The following SDR16C5 variants were observed in gnomAD, a reference collection of about 807,000 sequenced individuals.
The protein encoded by SDR16C5 is short chain dehydrogenase/reductase family 16C member 5, also known as epidermal retinol dehydrogenase 2.
Under a neutral mutation model 27.7 loss-of-function variants are expected in SDR16C5, and 20 were observed. That is an observed-to-expected ratio of 0.72 (90% CI 0.51 to 1.05). The LOEUF is 1.05. Among genes scored for constraint, SDR16C5 ranks in the 50% least tolerant of loss-of-function variants. The pLI, the probability that SDR16C5 is intolerant of heterozygous loss-of-function variation, is 0.00. For synonymous variants in SDR16C5, 139 were observed against 132.3 expected (o/e 1.05, Z -0.35); for missense variants, 374 against 366.3 (o/e 1.02, Z -0.17).
chr8:56,305,544 G>T (rs1814859179), intron 6 of SDR16C5, 53 bp downstream of exon 6: 14 of 1,479,290 alleles, frequency 9.5e-6, no homozygotes, highest in Non-Finnish European at 9.0e-7. Context: ...GTGGGATTTG[G>T]AGTAAACTGT....
At chr8:56,302,761 G>T (rs1193810755) in intron 6 of SDR16C5, among the ~76,000 whole-genome samples, 1 of 149,952 alleles carries the variant, frequency 6.7e-6, no homozygotes, top group African/African-American at 2.5e-5. Context: ...TGGGAGGATT[G>T]CTTGAAGCCA....
chr8:56,315,970 A>C, intron 2 of SDR16C5, 45 bp downstream of exon 2: 1 of 1,317,206 alleles, frequency 7.6e-7, no homozygotes, highest in Non-Finnish European at 1.1e-6. Flanking sequence ...AGTGAAAAAG[A>C]GTGTGATGTG....
intron 3 of SDR16C5, among the ~76,000 whole-genome samples, chr8:56,310,888 A>C (rs554902449): frequency 1.3e-5 from 2 of 152,208 alleles, no homozygotes; most frequent in Non-Finnish European, 2.9e-5. Flanking sequence ...GGTAGCCACT[A>C]AATTCTGAAT....
chr8:56,311,354 T>TG lies in SDR16C5; in HGVS notation c.465+802dup, dbSNP rs1302784972. On this transcript the variant is annotated intron_variant, in intron 3 of 6. Transcript: ENST00000303749. ...CGCTTGAATCCGGGAGGTTGGAGGT[T>TG]GCAGTGAGCTGAGATCACACCACTG... Among the ~76,000 whole-genome samples the TG allele has an allele frequency of 2.0e-5, 3 of 152,120 alleles. No individual in the cohort carries two copies. In the East Asian group the frequency reaches 5.8e-4, roughly 29 times the overall value.
At chr8:56,310,869 T>A (rs924945986) in intron 3 of SDR16C5, among the ~76,000 whole-genome samples, 1 of 152,160 alleles carries the variant, frequency 6.6e-6, no homozygotes, top group Admixed American at 6.5e-5. Flanking sequence ...GTAGTTCTTG[T>A]AGGAACATGG....
intron 6 of SDR16C5, among the ~76,000 whole-genome samples, chr8:56,301,967 TCA>T (rs1208528983): frequency 1.3e-5 from 2 of 152,210 alleles, no homozygotes; most frequent in Non-Finnish European, 2.9e-5. Flanking sequence ...CTCATAGACC[TCA>T]GTTTCCTCAA....
In SDR16C5 at chr8:56,316,354, G is replaced by A; in HGVS notation, c.-7C>T. 2 of 1,600,144 alleles carry A rather than the reference G, an allele frequency of 1.2e-6. No homozygotes were observed. The highest frequency in any genetic ancestry group is 2.2e-5 in the South Asian group (2 of 90,674). ...ATTGCAGGTTGAAAGACATGTTCTG[G>A]CTGACACCTGTGAAGAAAGACAGAT... is the stretch of plus-strand genomic sequence containing the variant. On this transcript the variant is annotated 5_prime_UTR_variant, in exon 2 of 7. Coordinates refer to ENST00000303749, the MANE Select transcript of SDR16C5 (RefSeq NM_138969.4).
chr8:56,305,485 A>T, intron 6 of SDR16C5, 112 bp downstream of exon 6: 1 of 977,308 alleles, frequency 1.0e-6, no homozygotes, highest in Non-Finnish European at 1.5e-6. Context: ...TAATAGAATT[A>T]AATTAATGAA....
intron 6 of SDR16C5, chr8:56,303,907 G>A: frequency 1.4e-6 from 1 of 699,764 alleles, no homozygotes; most frequent in Admixed American, 2.0e-5. Flanking sequence ...GACAAACATT[G>A]TCTCTACAAT....
chr8:56,311,144 G>T (rs780604641), intron 3 of SDR16C5, among the ~76,000 whole-genome samples: 31 of 152,148 alleles, frequency 2.0e-4, no homozygotes, highest in Non-Finnish European at 3.7e-4. Context: ...AACCAAACAG[G>T]TCAAAAGTCC....
At position 56,312,777 on chromosome 8, in the gene SDR16C5, GTT is replaced by G. The variant is rs35869830; in HGVS notation, c.334-491_334-490del. Among the ~76,000 whole-genome samples, 578 of 134,768 alleles carry G rather than the reference GTT, an allele frequency of 4.3e-3. 4 individuals are homozygous for G. The highest frequency in any genetic ancestry group is 0.017 in the East Asian group (77 of 4,544). The allele number at this position is 134,768 out of a possible 152,430, so 88.4% of individuals were successfully genotyped here. A position where few individuals can be genotyped will look rare whatever the true frequency, so the allele number is the denominator to read the frequency against. On this transcript the variant is annotated intron_variant, in intron 2 of 6. Transcript: ENST00000303749. ...GAGTCTACAATGCACCACACACCAAGTTTTTTTTTTTTTTTTTGAGATGGAGT... is the reference window on the plus strand; with the variant it reads ...GAGTCTACAATGCACCACACACCAAGTTTTTTTTTTTTTTTGAGATGGAGT...
In SDR16C5 at chr8:56,300,727, C is replaced by G. The variant is rs992663707; in HGVS notation, c.*753G>C. ...GATCAATAGATAGCAAAAAACCTAA[C>G]TTGGTATAATTTCATCTTCAAAGTA... On this transcript the variant is annotated 3_prime_UTR_variant, in exon 7 of 7. Coordinates refer to ENST00000303749, the MANE Select transcript of SDR16C5 (RefSeq NM_138969.4). The G allele has an allele frequency of 2.0e-5, 3 of 152,190 alleles. No individual in the cohort carries two copies. The highest frequency in any genetic ancestry group is 2.0e-4 in the Admixed American group (3 of 15,290). 9.4% of individuals were successfully genotyped at this position (152,190 alleles called of 1,614,324 possible). A position where few individuals can be genotyped will look rare whatever the true frequency, so the allele number is the denominator to read the frequency against.
intron 6 of SDR16C5, chr8:56,303,932 C>A: frequency 1.4e-6 from 1 of 702,092 alleles, no homozygotes; most frequent in South Asian, 1.5e-5. Context: ...ATGAAGAAGC[C>A]AAGACCTGGA....
chr8:56,306,825 A>C lies in SDR16C5; in HGVS notation c.566-5T>G. ...CAAATTTACTTGCACAGTAATCTGA[A>C]AAAGACAAAGCATGATAACGTATAT... On this transcript the variant is annotated splice_polypyrimidine_tract_variant and splice_region_variant and intron_variant, in intron 4 of 6. Coordinates refer to ENST00000303749, the MANE Select transcript of SDR16C5 (RefSeq NM_138969.4). 6.2e-7 allele frequency: 1 copy of C among 1,609,036 alleles called. No homozygotes were observed. Among genetic ancestry groups the C allele is most frequent in the Non-Finnish European group, 8.5e-7 (1 of 1,178,812 alleles).
At chr8:56,304,097 T>G (rs1459928634) in intron 6 of SDR16C5, 2 of 702,382 alleles carry the variant, frequency 2.8e-6, no homozygotes, top group African/African-American at 1.7e-5. Flanking sequence ...GGAAAAATGA[T>G]AGTATGCAAG....
At chr8:56,316,937 C>G (rs1398766875) in intron 1 of SDR16C5, among the ~76,000 whole-genome samples, 2 of 152,130 alleles carry the variant, frequency 1.3e-5, no homozygotes, top group Admixed American at 1.3e-4. Context: ...TGTTCTAGAC[C>G]TTTTCCGACA....
intron 6 of SDR16C5, chr8:56,303,956 G>A (rs1043207431): frequency 7.1e-6 from 5 of 702,774 alleles, no homozygotes; most frequent in African/African-American, 3.5e-5. Context: ...TAAAGGGCAC[G>A]CTCAGAGTCA....
In SDR16C5 at chr8:56,308,915, A is replaced by G; in HGVS notation, c.565+13T>C. The G allele has an allele frequency of 1.3e-6, 2 of 1,591,658 alleles. No homozygotes were observed. Among genetic ancestry groups the G allele is most frequent in the Non-Finnish European group, 1.7e-6 (2 of 1,165,124 alleles). Reference sequence around the variant, plus strand: ...GGGAATTTTGCAATTGTAAATTGCTATGTTTTTCTTACCTGCCAGCCCATT... The same window carrying G: ...GGGAATTTTGCAATTGTAAATTGCTGTGTTTTTCTTACCTGCCAGCCCATT... On this transcript the variant is annotated intron_variant, in intron 4 of 6. Coordinates refer to ENST00000303749, the MANE Select transcript of SDR16C5 (RefSeq NM_138969.4).
chr8:56,309,557 T>G, intron 3 of SDR16C5: 4 of 985,176 alleles, frequency 4.1e-6, no homozygotes, highest in Non-Finnish European at 4.8e-6. Flanking sequence ...CTGTATTCTG[T>G]CCAACACCTT....
Sources: gnomAD v4.1 joint callset for allele counts (sites outside exome capture counted in the v4.1 genomes callset) on GRCh38, gnomAD v4.1.1 for gene constraint, MANE v1.5 for transcripts, NCBI Gene and HGNC (gene_info 2026-07-23, HGNC 2026-07-21) for gene names.